The following SLC24A2 variants were observed in gnomAD, a reference collection of about 807,000 sequenced individuals.
The protein encoded by SLC24A2 is sodium/potassium/calcium exchanger 2.
A neutral mutation model predicts 62.0 loss-of-function variants in SLC24A2; 36 were observed. The observed-to-expected ratio is 0.58, with a 90% CI of 0.44 to 0.77. The LOEUF (loss-of-function observed/expected upper bound fraction) is 0.77. Ranked by LOEUF, SLC24A2 falls within the 30% of genes least tolerant of loss-of-function variation. The pLI, the probability that SLC24A2 is intolerant of heterozygous loss-of-function variation, is 0.00. For synonymous variants in SLC24A2, 358 were observed against 294.0 expected, an observed-to-expected ratio of 1.22 and a Z score of -2.23; for missense variants, 846 against 817.9, an observed-to-expected ratio of 1.03 and a Z score of -0.42.
At chr9:19,838,328 C>G in the SLC24A2 span, among the ~76,000 whole-genome samples, 1 of 152,088 alleles carries the variant, frequency 6.6e-6, no homozygotes, top group African/African-American at 2.4e-5. Context: ...AAAGGATTCC[C>G]TATTTAATAA....
At chr9:20,018,107 C>A in the SLC24A2 span, among the ~76,000 whole-genome samples, 23 of 152,056 alleles carry the variant, frequency 1.5e-4, no homozygotes, top group African/African-American at 5.1e-4. Context: ...CCACCAGGCC[C>A]GGCTAATTTT....
chr9:19,960,596 G>C, the SLC24A2 span, among the ~76,000 whole-genome samples: 1 of 152,104 alleles, frequency 6.6e-6, no homozygotes, highest in Non-Finnish European at 1.5e-5. Context: ...TACCTCAAAG[G>C]GATGCTGAGA....
intron 10 of SLC24A2, among the ~76,000 whole-genome samples, chr9:19,517,388 G>A (rs911061068): frequency 1.3e-5 from 2 of 152,170 alleles, no homozygotes; most frequent in African/African-American, 4.8e-5. Context: ...CTCAGGGTGT[G>A]GGAAGAGGAG....
At chr9:20,022,575 G>A in the SLC24A2 span, among the ~76,000 whole-genome samples, 79 of 152,162 alleles carry the variant, frequency 5.2e-4, 4 homozygotes, top group East Asian at 7.3e-3. Flanking sequence ...GTTGTCCCTC[G>A]TCCACGTGCT....
At chr9:19,966,164 A>G in the SLC24A2 span, among the ~76,000 whole-genome samples, 1 of 152,190 alleles carries the variant, frequency 6.6e-6, no homozygotes, top group African/African-American at 2.4e-5. Context: ...TTAAGCGTCC[A>G]TATAGCATTT....
the SLC24A2 span, among the ~76,000 whole-genome samples, chr9:20,132,314 G>A: frequency 6.6e-6 from 1 of 152,060 alleles, no homozygotes; most frequent in African/African-American, 2.4e-5. Flanking sequence ...TTGCTGATGT[G>A]CTATGTGAAA....
intron 4 of SLC24A2, among the ~76,000 whole-genome samples, chr9:19,616,721 A>G (rs1817777454): frequency 1.3e-5 from 2 of 152,188 alleles, no homozygotes; most frequent in South Asian, 2.1e-4. Flanking sequence ...AACTTCCTGT[A>G]TCCTGGCAGA....
chr9:19,710,027 C>T (rs1446850104), intron 2 of SLC24A2, among the ~76,000 whole-genome samples: 1 of 152,172 alleles, frequency 6.6e-6, no homozygotes, highest in Non-Finnish European at 1.5e-5. Flanking sequence ...TTGGCAAAAG[C>T]AGTGCCCCTT....
the SLC24A2 span, among the ~76,000 whole-genome samples, chr9:20,076,940 A>G: frequency 6.7e-6 from 1 of 148,200 alleles, no homozygotes; most frequent in Non-Finnish European, 1.5e-5. Flanking sequence ...ATTTGTATAT[A>G]TATTATATAA....
At chr9:19,583,436 C>T (rs899671574) in intron 5 of SLC24A2, among the ~76,000 whole-genome samples, 11 of 152,152 alleles carry the variant, frequency 7.2e-5, no homozygotes, top group Non-Finnish European at 1.3e-4. Flanking sequence ...ATCATTATGA[C>T]TACAGATTAT....
At chr9:20,212,525 C>T in the SLC24A2 span, among the ~76,000 whole-genome samples, 1 of 151,636 alleles carries the variant, frequency 6.6e-6, no homozygotes, top group Non-Finnish European at 1.5e-5. Flanking sequence ...GTGGCACTCA[C>T]CTGTAATCCC....
chr9:20,134,434 A>G, the SLC24A2 span, among the ~76,000 whole-genome samples: 1 of 152,182 alleles, frequency 6.6e-6, no homozygotes, highest in South Asian at 2.1e-4. Context: ...CACAGAGGCC[A>G]GGGCAACTGG....
At chr9:20,229,801 T>A in the SLC24A2 span, among the ~76,000 whole-genome samples, 2 of 152,156 alleles carry the variant, frequency 1.3e-5, no homozygotes, top group Admixed American at 6.5e-5. Flanking sequence ...GTTACATACG[T>A]GTACATGTGT....
chr9:20,060,400 T>C, the SLC24A2 span, among the ~76,000 whole-genome samples: 2 of 152,096 alleles, frequency 1.3e-5, no homozygotes, highest in Non-Finnish European at 1.5e-5. Flanking sequence ...CAAAAATCCT[T>C]AAAATATTAG....
In SLC24A2 at chr9:19,550,201, G is replaced by A. The variant is rs1308192170; in HGVS notation, c.1415C>T (p.Thr472Met). Reference sequence around the variant, plus strand: ...CACTATGGGGAAAACAATCAGAAACGTGACTTGCTTGCGGGTTTCAGAAGG... The same window carrying A: ...CACTATGGGGAAAACAATCAGAAACATGACTTGCTTGCGGGTTTCAGAAGG... Reference protein sequence around the residue: ...AWPSETRKQVTFLIVFPIVFP... With the variant: ...AWPSETRKQVMFLIVFPIVFP... Residue 472 changes from threonine to methionine, a missense_variant, in exon 8 of 11, where the codon ACG becomes ATG. Transcript: ENST00000341998. The A allele has an allele frequency of 1.4e-5, 23 of 1,613,986 alleles. No homozygotes were observed. In the African/African-American group the frequency reaches 2.1e-4, roughly 15 times the overall value.
At chr9:19,833,684 T>G in the SLC24A2 span, among the ~76,000 whole-genome samples, 22 of 152,274 alleles carry the variant, frequency 1.4e-4, no homozygotes, top group Admixed American at 2.0e-4. Flanking sequence ...AGCAATAACC[T>G]CTGCAGACTT....
At chr9:19,650,537 G>T (rs1481208682) in intron 2 of SLC24A2, among the ~76,000 whole-genome samples, 1 of 152,160 alleles carries the variant, frequency 6.6e-6, no homozygotes, top group Non-Finnish European at 1.5e-5. Context: ...CCATCCCAGA[G>T]AAACAGCTTG....
chr9:19,526,911 C>G (rs1464504299), intron 9 of SLC24A2, among the ~76,000 whole-genome samples: 1 of 152,128 alleles, frequency 6.6e-6, no homozygotes, highest in Non-Finnish European at 1.5e-5. Context: ...TCAAAGAACT[C>G]TTTGCCTGGC....
chr9:19,584,474 G>C (rs903736385), intron 5 of SLC24A2, among the ~76,000 whole-genome samples: 2 of 152,098 alleles, frequency 1.3e-5, no homozygotes, highest in African/African-American at 4.8e-5. Context: ...CGAGGGTATG[G>C]AGGCCCAGAG....
Sources: allele counts gnomAD v4.1 joint callset (sites outside exome capture counted in the v4.1 genomes callset), GRCh38; gene constraint gnomAD v4.1.1; transcripts MANE v1.5; gene names NCBI Gene and HGNC (gene_info 2026-07-23, HGNC 2026-07-21).